The following PALMD variants were observed in gnomAD, a reference collection of about 807,000 sequenced individuals.
PALMD encodes paralemmin-like protein.
A neutral mutation model predicts 56.2 loss-of-function variants in PALMD; 42 were observed. The ratio of observed to expected loss-of-function variants is 0.75; its 90% CI spans 0.58 to 0.97. PALMD has a LOEUF of 0.97. Ranked by LOEUF, PALMD falls within the 50% of genes least tolerant of loss-of-function variation. The pLI is 0.00. For missense variants in PALMD, 660 were observed against 643.8 expected (o/e 1.03, Z -0.27); for synonymous variants, 242 against 222.9 (o/e 1.09, Z -0.76).
chr1:99,683,171 G>A (rs897060247), intron 3 of PALMD: 3 of 144,134 alleles, frequency 2.1e-5, no homozygotes, highest in African/African-American at 7.7e-5. Context: ...AGAAAGAAAC[G>A]AACACCCTAT....
intron 1 of PALMD, among the ~76,000 whole-genome samples, chr1:99,661,353 G>A (rs939790908): frequency 6.6e-6 from 1 of 152,138 alleles, no homozygotes; most frequent in Non-Finnish European, 1.5e-5. Context: ...GCTAATGAAA[G>A]CACTGTCAGA....
chr1:99,691,221 G>A (rs545788339), intron 7 of PALMD, among the ~76,000 whole-genome samples: 5 of 152,262 alleles, frequency 3.3e-5, no homozygotes, highest in Admixed American at 6.5e-5. Context: ...AGACTTAGAA[G>A]AGAGGAACAC....
intron 3 of PALMD, among the ~76,000 whole-genome samples, chr1:99,680,207 T>C (rs1419365936): frequency 6.6e-6 from 1 of 152,146 alleles, no homozygotes; most frequent in African/African-American, 2.4e-5. Flanking sequence ...GCTGTCCTTT[T>C]TTCCAAGACA....
intron 3 of PALMD, among the ~76,000 whole-genome samples, chr1:99,681,091 ATGTGTGTGTATATATGTGTG>A (rs960547998): frequency 3.3e-5 from 4 of 121,080 alleles, no homozygotes; most frequent in African/African-American, 1.3e-4. Context: ...ATATACATAT[ATGTGTGTGTATATATGTGTG>A]TGTGTGTGTG....
At chr1:99,691,218 G>A (rs1258898207) in intron 7 of PALMD, among the ~76,000 whole-genome samples, 2 of 152,132 alleles carry the variant, frequency 1.3e-5, no homozygotes, top group Non-Finnish European at 2.9e-5. Flanking sequence ...AGAAGACTTA[G>A]AAGAGAGGAA....
rs553578406 is a variant in PALMD at position 99,662,356 on chromosome 1, G to A, written c.83G>A (p.Arg28His). 71 of 1,574,956 alleles carry A rather than the reference G, an allele frequency of 4.5e-5. No homozygotes were observed. Among genetic ancestry groups the A allele is most frequent in the Admixed American group, 3.1e-4 (18 of 58,312 alleles). The change falls in exon 2 of 8, where the codon CGT (arginine) becomes CAT (histidine). Residue 28 changes from arginine to histidine, a missense_variant. Transcript: ENST00000263174. Reference sequence around the variant, plus strand: ...ATACAGGAAGAAATCTCACAGAAGCGTCTGAAAATAGAGGAAGACAAACTA... The same window carrying A: ...ATACAGGAAGAAATCTCACAGAAGCATCTGAAAATAGAGGAAGACAAACTA... Reference protein sequence around the residue: ...RKIQEEISQKRLKIEEDKLKH... With the variant: ...RKIQEEISQKHLKIEEDKLKH...
chr1:99,647,229 G>C (rs1652461414), intron 1 of PALMD, among the ~76,000 whole-genome samples: 1 of 152,078 alleles, frequency 6.6e-6, no homozygotes, highest in Non-Finnish European at 1.5e-5. Flanking sequence ...AAGATCTTTG[G>C]AAAGCAATAT....
chr1:99,683,086 GAGAGAA>G (rs1472923256), intron 3 of PALMD, among the ~76,000 whole-genome samples: 22 of 16,546 alleles, frequency 1.3e-3, no homozygotes, highest in East Asian at 3.6e-3. Context: ...GAGAGAGAGA[GAGAGAA>G]AGAAAGAAAG....
intron 3 of PALMD, among the ~76,000 whole-genome samples, chr1:99,679,406 G>A (rs950747938): frequency 6.6e-6 from 1 of 152,024 alleles, no homozygotes; most frequent in Admixed American, 6.6e-5. Context: ...TTCTTTGAAG[G>A]AGACCGTTCT....
intron 1 of PALMD, among the ~76,000 whole-genome samples, chr1:99,656,114 A>G (rs1384603707): frequency 6.6e-6 from 1 of 152,114 alleles, no homozygotes; most frequent in Non-Finnish European, 1.5e-5. Flanking sequence ...GTGATAGCAA[A>G]TGATTTGGTT....
chr1:99,682,059 T>C (rs1653358850), intron 3 of PALMD, among the ~76,000 whole-genome samples: 2 of 152,194 alleles, frequency 1.3e-5, no homozygotes, highest in African/African-American at 4.8e-5. Context: ...TCCAGTTCCT[T>C]ACTCTCAGTT....
chr1:99,687,875 T>C (rs1408621698), intron 6 of PALMD, among the ~76,000 whole-genome samples: 1 of 135,528 alleles, frequency 7.4e-6, no homozygotes, highest in Non-Finnish European at 1.7e-5. Context: ...GCAGTTTTTC[T>C]TGGGTAGTCA....
chr1:99,676,423 A>T (rs928050396), intron 3 of PALMD, among the ~76,000 whole-genome samples: 7 of 152,080 alleles, frequency 4.6e-5, no homozygotes, highest in African/African-American at 1.7e-4. Flanking sequence ...TAGGGGGTAC[A>T]AGTGCAGTTT....
chr1:99,666,304 T>C (rs2100861492), intron 2 of PALMD, among the ~76,000 whole-genome samples: 1 of 152,234 alleles, frequency 6.6e-6, no homozygotes, highest in South Asian at 2.1e-4. Flanking sequence ...AATCATCCTT[T>C]GGTAATTATC....
At chr1:99,686,613 A>G (rs1345071904) in intron 3 of PALMD, 63 bp from the exon 4 acceptor site, 4 of 774,900 alleles carry the variant, frequency 5.2e-6, no homozygotes, top group Non-Finnish European at 4.3e-6. Flanking sequence ...TGGGGAAGAC[A>G]TATTTGAGAA....
chr1:99,689,522 A>T lies in PALMD; in HGVS notation c.1262A>T (p.Gln421Leu). Residue 421 changes from glutamine (Q) to leucine (L), a missense_variant, in exon 7 of 8, where the codon CAG becomes CTG. Gln to Leu is a moderately radical substitution (Grantham distance 113, BLOSUM62 -2). Coordinates refer to ENST00000263174, the MANE Select transcript of PALMD (RefSeq NM_017734.5). ...EPVTMIFMGY[Q>L]QAEDSEEDKK... The stretch of plus-strand genomic sequence containing the variant: ...GTGACAATGATTTTCATGGGGTATC[A>T]GCAGGCAGAAGACAGTGAAGAAGAT... 6.2e-7 allele frequency: 1 copy of T among 1,613,892 alleles called. No homozygotes were observed. Among genetic ancestry groups the T allele is most frequent in the South Asian group, 1.1e-5 (1 of 91,072 alleles).
At chr1:99,674,690 G>T (rs1278471348) in intron 3 of PALMD, among the ~76,000 whole-genome samples, 2 of 151,956 alleles carry the variant, frequency 1.3e-5, no homozygotes, top group African/African-American at 2.4e-5. Flanking sequence ...CACTTCAAAT[G>T]GTATTCAGTG....
intron 3 of PALMD, chr1:99,685,331 C>A (rs994632099): frequency 1.3e-5 from 2 of 152,124 alleles, no homozygotes; most frequent in African/African-American, 4.8e-5. Context: ...TTCCCCTTTA[C>A]CAAATTGGAC....
rs189161838 is a variant in PALMD, at chr1:99,665,153, C to T, written c.127-2489C>T. 1.2e-4 allele frequency among the ~76,000 whole-genome samples: 18 copies of T among 152,122 alleles called. No homozygotes were observed. The East Asian group carries it at 1.3e-3, about 11-fold the overall frequency. On this transcript the variant is annotated intron_variant, in intron 2 of 7. Transcript: ENST00000263174. ...CCATGAGTCCGTTCAATTCAATCTA[C>T]AAAAAACCAATTTATTCCTACTCTA...
Sources: gnomAD v4.1 joint callset for allele counts (sites outside exome capture counted in the v4.1 genomes callset) on GRCh38, gnomAD v4.1.1 for gene constraint, MANE v1.5 for transcripts, NCBI Gene and HGNC (gene_info 2026-07-23, HGNC 2026-07-21) for gene names.